Variants in NIN observed in about 807,000 individuals in gnomAD.
NIN encodes ninein, also known as glycogen synthase kinase 3 beta-interacting protein.
NIN carries 137 observed loss-of-function variants against 257.6 expected under a neutral mutation model. The ratio of observed to expected loss-of-function variants is 0.53; its 90% CI spans 0.46 to 0.61. The LOEUF is 0.61. Ranked by LOEUF, NIN falls within the 20% of genes least tolerant of loss-of-function variation. The probability of loss-of-function intolerance (pLI) is 0.00; values close to 1 mark genes in which losing one functional copy is unlikely to be tolerated. For synonymous variants in NIN, 918 were observed against 919.8 expected (o/e 1.00, Z 0.04); for missense variants, 2,439 against 2,501.2 (o/e 0.98, Z 0.53).
chr14:50,766,544 T>A (rs1417996278), intron 13 of NIN, 148 bp from the exon 14 acceptor site: 28 of 725,760 alleles, frequency 3.9e-5, no homozygotes, highest in Non-Finnish European at 6.3e-5. Flanking sequence ...AACTGGGTGA[T>A]GGGGAGAACG....
chr14:50,790,265 G>A (rs1041102047), intron 5 of NIN, among the ~76,000 whole-genome samples: 8 of 152,032 alleles, frequency 5.3e-5, no homozygotes, highest in Non-Finnish European at 2.9e-5. Flanking sequence ...TATGTTGCCC[G>A]GGCTGGTCTT....
rs981107878 is a variant in NIN at position 50,758,103 on chromosome 14, T to C, written c.2927A>G (p.His976Arg). 1 of 1,614,252 alleles carries C rather than the reference T, an allele frequency of 6.2e-7. No individual in the cohort carries two copies. Among genetic ancestry groups the C allele is most frequent in the Non-Finnish European group, 8.5e-7 (1 of 1,180,040 alleles). Reference sequence around the variant, plus strand: ...CATCATTTCCTGCCTTTCCTGGTCATGTTCCATTTCTAGTCTTTCCAGCCG... The same window carrying C: ...CATCATTTCCTGCCTTTCCTGGTCACGTTCCATTTCTAGTCTTTCCAGCCG... ...SQRLERLEME[H>R]DQERQEMMSK... Residue 976 changes from histidine (H) to arginine (R), a missense_variant, in exon 18 of 31, where the codon CAT becomes CGT. Around this residue, in one of 3 missense-constraint regions of NIN, gnomAD observed 2,043 missense variants for 2,050.2 expected, o/e 1.00. Coordinates refer to ENST00000530997, the MANE Select transcript of NIN (RefSeq NM_020921.4).
intron 21 of NIN, among the ~76,000 whole-genome samples, chr14:50,749,572 G>A (rs567781334): frequency 3.9e-4 from 60 of 152,064 alleles, no homozygotes; most frequent in Middle Eastern, 3.4e-3. Context: ...ATTATTACTG[G>A]GGTGTTTGCC....
rs758987062 is a variant in NIN at position 50,738,159 on chromosome 14, T to C, written c.5756A>G (p.Gln1919Arg). 3 of 1,614,040 alleles carry C rather than the reference T, an allele frequency of 1.9e-6. No individual in the cohort carries two copies. The highest frequency in any genetic ancestry group is 2.5e-6 in the Non-Finnish European group (3 of 1,180,030). Reference protein sequence around the residue: ...KRECDQFQKEQSPANRKVSQM... With the variant: ...KRECDQFQKERSPANRKVSQM... ...ACTCACCTTCCTGTTAGCAGGAGATTGTTCTTTCTGAAACTGATCACACTC... is the reference window on the plus strand; with the variant it reads ...ACTCACCTTCCTGTTAGCAGGAGATCGTTCTTTCTGAAACTGATCACACTC... Residue 1919 changes from glutamine to arginine, a missense_variant, in exon 27 of 31, where the codon CAA becomes CGA. By Grantham distance (43) the Gln-to-Arg change is conservative. Transcript: ENST00000530997.
intron 28 of NIN, among the ~76,000 whole-genome samples, chr14:50,731,539 A>AG (rs2140370169): frequency 6.6e-6 from 1 of 151,910 alleles, no homozygotes; most frequent in East Asian, 1.9e-4. Flanking sequence ...AAAAAAAAAA[A>AG]AAAAAAAAAA....
rs903592756 is a variant in NIN at position 50,748,645 on chromosome 14, T to C, written c.4951-540A>G. Among the ~76,000 whole-genome samples, 6 of 152,272 alleles carry C rather than the reference T, an allele frequency of 3.9e-5. No individual in the cohort carries two copies. In the South Asian group the frequency reaches 1.0e-3, roughly 26 times the overall value. On this transcript the variant is annotated intron_variant, in intron 21 of 30. Coordinates refer to ENST00000530997, the MANE Select transcript of NIN (RefSeq NM_020921.4). ...AAAGTCTCAGGATACAAAATCAATA[T>C]GCAAAAATCACAAGCATTCCTATAT... is the stretch of plus-strand genomic sequence containing the variant.
chr14:50,790,052 G>A (rs558856478), intron 5 of NIN, among the ~76,000 whole-genome samples: 2 of 152,270 alleles, frequency 1.3e-5, no homozygotes, highest in South Asian at 4.1e-4. Flanking sequence ...TGTCTTGTGT[G>A]AAGCTATTAC....
In NIN at chr14:50,721,702, A is replaced by C. The variant is rs933384893; in HGVS notation, c.*1761T>G. ...TAATTATAGGGAAGGATTAAAATTA[A>C]CTCTTTATCCAGGGGGAACTCAGGG... On this transcript the variant is annotated 3_prime_UTR_variant, in exon 31 of 31. Coordinates refer to ENST00000530997, the MANE Select transcript of NIN (RefSeq NM_020921.4). 4 of 218,486 alleles carry C rather than the reference A, an allele frequency of 1.8e-5. No individual in the cohort carries two copies. Among genetic ancestry groups the C allele is most frequent in the African/African-American group, 2.2e-5 (1 of 44,534 alleles). The allele number at this position is 218,486 out of a possible 1,614,324, so 13.5% of individuals were successfully genotyped here. A position where few individuals can be genotyped will look rare whatever the true frequency, so the allele number is the denominator to read the frequency against.
intron 5 of NIN, 100 bp downstream of exon 5, chr14:50,792,612 C>T (rs956570900): frequency 2.4e-6 from 3 of 1,273,038 alleles, no homozygotes; most frequent in Non-Finnish European, 3.4e-6. Context: ...GAAAAGCCCA[C>T]ATCGTGCCAT....
chr14:50,762,417 A>T (rs1391747897), intron 15 of NIN, among the ~76,000 whole-genome samples: 1 of 152,224 alleles, frequency 6.6e-6, no homozygotes, highest in Admixed American at 6.5e-5. Context: ...GCATTACAGA[A>T]GACTGCCTAT....
chr14:50,765,842 T>TG lies in NIN; in HGVS notation c.1635+464dup, dbSNP rs1313072125. Among the ~76,000 whole-genome samples the TG allele has an allele frequency of 2.7e-4, 16 of 59,664 alleles. No homozygotes were observed. The Admixed American group carries it at 3.0e-3, about 11-fold the overall frequency. 39.1% of individuals were successfully genotyped at this position (59,664 alleles called of 152,430 possible). A position where few individuals can be genotyped will look rare whatever the true frequency, so the allele number is the denominator to read the frequency against. On this transcript the variant is annotated intron_variant, in intron 14 of 30. Transcript: ENST00000530997. ...TAATAATGTTAATAGCTAACATTTA[T>TG]GTTTTTTTTTTTTAATTTTATTATA...
Position 50,723,180 on chromosome 14 carries a change from T to A in NIN, c.*283A>T, listed in dbSNP as rs1323928712. The A allele has an allele frequency of 3.3e-6, 1 of 302,636 alleles. No individual in the cohort carries two copies. The highest frequency in any genetic ancestry group is 6.1e-6 in the Non-Finnish European group (1 of 165,140). 18.7% of individuals were successfully genotyped at this position (302,636 alleles called of 1,614,324 possible). On this transcript the variant is annotated 3_prime_UTR_variant, in exon 31 of 31. Transcript: ENST00000530997. ...AAAACCACAAAAACTCATTCAAAAC[T>A]GGTATTTTTTAGGTTCTTGAATTTT...
chr14:50,757,986 A>G lies in NIN; in HGVS notation c.3044T>C (p.Leu1015Pro). The change falls in exon 18 of 31, where the codon CTT becomes CCT. Residue 1015 changes from leucine to proline, a missense_variant. By Grantham distance (98) the Leu-to-Pro change is moderately conservative (BLOSUM62 -3). Transcript: ENST00000530997. ...RAEMSTEISR[L>P]QSKIKEMQQA... ...CTGCATTTCCTTTATTTTACTCTGA[A>G]GTCTGGAGATTTCTGTGCTCATCTC... is the stretch of plus-strand genomic sequence containing the variant. 3 of 1,614,136 alleles carry G rather than the reference A, an allele frequency of 1.9e-6. No individual in the cohort carries two copies. The highest frequency in any genetic ancestry group is 2.7e-5 in the African/African-American group (2 of 75,022).
chr14:50,790,554 G>A (rs914793603), intron 5 of NIN, among the ~76,000 whole-genome samples: 3 of 152,190 alleles, frequency 2.0e-5, no homozygotes, highest in African/African-American at 7.2e-5. Context: ...TAACAGAATA[G>A]CGAAGTTGAG....
chr14:50,731,578 G>A (rs756382331), intron 28 of NIN, among the ~76,000 whole-genome samples: 108 of 150,456 alleles, frequency 7.2e-4, no homozygotes, highest in Non-Finnish European at 1.2e-3. Context: ...GCTCACGCCT[G>A]TAATCCCAGC....
intron 3 of NIN, among the ~76,000 whole-genome samples, chr14:50,812,097 G>A (rs530342057): frequency 1.3e-5 from 2 of 152,310 alleles, no homozygotes; most frequent in South Asian, 4.1e-4. Context: ...TCCAGCTTGG[G>A]TGACAGAGCG....
chr14:50,772,669 G>C (rs997656903), intron 8 of NIN, among the ~76,000 whole-genome samples: 3 of 152,220 alleles, frequency 2.0e-5, no homozygotes, highest in African/African-American at 7.2e-5. Context: ...TTTTGGTAGA[G>C]AGTTCTATGA....
chr14:50,738,840 G>A (rs1241141028), intron 26 of NIN, among the ~76,000 whole-genome samples: 1 of 152,184 alleles, frequency 6.6e-6, no homozygotes, highest in Non-Finnish European at 1.5e-5. Context: ...AATATCATTG[G>A]GAGACTATGC....
chr14:50,820,169 C>T (rs976226731), intron 3 of NIN, among the ~76,000 whole-genome samples: 2 of 152,164 alleles, frequency 1.3e-5, no homozygotes, highest in East Asian at 3.8e-4. Context: ...TTATCACTGG[C>T]TCACTAAGTA....
Sources: allele counts gnomAD v4.1 joint callset (sites outside exome capture counted in the v4.1 genomes callset), GRCh38; gene constraint gnomAD v4.1.1; regional missense constraint gnomAD v4.1.1; transcripts MANE v1.5; gene names NCBI Gene and HGNC (gene_info 2026-07-23, HGNC 2026-07-21).